Variants in TBC1D9 observed in about 807,000 individuals in gnomAD.
The protein encoded by TBC1D9 is TBC1 domain family member 9A.
Under a neutral mutation model 132.0 loss-of-function variants are expected in TBC1D9, and 63 were observed. That is an observed-to-expected ratio of 0.48 (90% confidence interval 0.39 to 0.59). The LOEUF is 0.59. Ranked by LOEUF, TBC1D9 falls within the 20% of genes least tolerant of loss-of-function variation. The pLI, the probability that TBC1D9 is intolerant of heterozygous loss-of-function variation, is 0.00. For missense variants in TBC1D9, 1,261 were observed against 1,592.7 expected, an observed-to-expected ratio of 0.79 and a Z score of 3.54; for synonymous variants, 610 against 609.9, an observed-to-expected ratio of 1.00 and a Z score of 0.00.
At chr4:140,733,148 AAG>A (rs1470931990) in intron 1 of TBC1D9, among the ~76,000 whole-genome samples, 5 of 152,208 alleles carry the variant, frequency 3.3e-5, no homozygotes, top group African/African-American at 9.6e-5. Flanking sequence ...ACAAAAAATA[AAG>A]AGAACTACAT....
At chr4:140,632,731 T>A (rs1736817960) in intron 16 of TBC1D9, among the ~76,000 whole-genome samples, 1 of 152,096 alleles carries the variant, frequency 6.6e-6, no homozygotes, top group South Asian at 2.1e-4. Flanking sequence ...GCCTCTTGAG[T>A]ACGTGGAATC....
chr4:140,708,539 C>G (rs957217756), intron 1 of TBC1D9, among the ~76,000 whole-genome samples: 2 of 152,302 alleles, frequency 1.3e-5, no homozygotes, highest in South Asian at 4.1e-4. Context: ...GTGCCCAACA[C>G]ACAGACTGGT....
At chr4:140,710,563 A>G (rs148225125) in intron 1 of TBC1D9, among the ~76,000 whole-genome samples, 497 of 152,302 alleles carry the variant, frequency 3.3e-3, no homozygotes, top group African/African-American at 0.011. Context: ...TCTGAAGAGC[A>G]TTTTATCTGT....
intron 1 of TBC1D9, among the ~76,000 whole-genome samples, chr4:140,732,305 A>G (rs537490010): frequency 6.6e-6 from 1 of 152,330 alleles, no homozygotes; most frequent in South Asian, 2.1e-4. Context: ...CTCCATGGAC[A>G]GTTGCTTGTC....
intron 6 of TBC1D9, among the ~76,000 whole-genome samples, chr4:140,672,843 T>C (rs1333973088): frequency 2.0e-5 from 3 of 152,084 alleles, no homozygotes; most frequent in Non-Finnish European, 4.4e-5. Flanking sequence ...GTGTTTAATA[T>C]GAAACACTGG....
rs746832637 is a variant in TBC1D9 at position 140,657,670 on chromosome 4, A to G, written c.2064T>C (p.Phe688=). Residue 688 remains phenylalanine (F), a synonymous_variant, in exon 12 of 21, where the codon TTT becomes TTC. Coordinates refer to ENST00000442267, the MANE Select transcript of TBC1D9 (RefSeq NM_015130.3). ...AGTCAACAACCACAACTGCACTCTC[A>G]AAAGGCATCACACTGAGAAATAGTG... The part of the protein sequence containing the change: ...FLTLFLSVMP[F]ESAVVVVDCF... 5 of 1,613,650 alleles carry G rather than the reference A, an allele frequency of 3.1e-6. No individual in the cohort carries two copies. Among genetic ancestry groups the G allele is most frequent in the Non-Finnish European group, 4.2e-6 (5 of 1,179,666 alleles).
At chr4:140,653,709 T>C (rs1737221589) in intron 13 of TBC1D9, among the ~76,000 whole-genome samples, 1 of 152,178 alleles carries the variant, frequency 6.6e-6, no homozygotes, top group Non-Finnish European at 1.5e-5. Flanking sequence ...ACTGGAAACA[T>C]AAGCAGAGTA....
chr4:140,622,855 C>T lies in TBC1D9; in HGVS notation c.3141G>A (p.Gln1047=), dbSNP rs1207710412. The change falls in exon 21 of 21, where the codon CAG becomes CAA. Residue 1047 remains glutamine (Q), a synonymous_variant. Coordinates refer to ENST00000442267, the MANE Select transcript of TBC1D9 (RefSeq NM_015130.3). The part of the protein sequence containing the change: ...YNMFSEDPNE[Q]ELYHATAAVT... ...CTGCTGCCGTGGCGTGGTACAGCTC[C>T]TGCTCATTGGGGTCTTCGCTGAACA... is the stretch of plus-strand genomic sequence containing the variant. The T allele has an allele frequency of 6.3e-7, 1 of 1,592,034 alleles. No homozygotes were observed. The highest frequency in any genetic ancestry group is 2.3e-5 in the East Asian group (1 of 44,228).
chr4:140,632,302 T>C lies in TBC1D9; in HGVS notation c.2746+1646A>G, dbSNP rs545310578. Among the ~76,000 whole-genome samples, 4 of 151,830 alleles carry C rather than the reference T, an allele frequency of 2.6e-5. No individual in the cohort carries two copies. In the East Asian group the frequency reaches 5.8e-4, roughly 22 times the overall value. On this transcript the variant is annotated intron_variant, in intron 16 of 20. Coordinates refer to ENST00000442267, the MANE Select transcript of TBC1D9 (RefSeq NM_015130.3). ...ATATCTCTTTTGATGGATACCTATA[T>C]GACAAGCAGTAATTACCCTGGAAGT...
intron 9 of TBC1D9, among the ~76,000 whole-genome samples, chr4:140,665,875 G>C (rs1307842582): frequency 6.6e-6 from 1 of 151,862 alleles, no homozygotes; most frequent in Non-Finnish European, 1.5e-5. Context: ...GTAGAGATGG[G>C]GTCTCACTAT....
At chr4:140,747,902 C>A (rs151192267) in intron 1 of TBC1D9, among the ~76,000 whole-genome samples, 1 of 152,234 alleles carries the variant, frequency 6.6e-6, no homozygotes, top group East Asian at 1.9e-4. Flanking sequence ...TATATCAGTA[C>A]CAAAAATTAG....
chr4:140,684,574 T>A (rs1371936521), intron 3 of TBC1D9, among the ~76,000 whole-genome samples: 1 of 152,000 alleles, frequency 6.6e-6, no homozygotes, highest in Non-Finnish European at 1.5e-5. Flanking sequence ...ACATAATTGG[T>A]CTTTGTTTGT....
At chr4:140,718,279 G>A (rs1044264634) in intron 1 of TBC1D9, among the ~76,000 whole-genome samples, 1 of 141,142 alleles carries the variant, frequency 7.1e-6, no homozygotes, top group African/African-American at 2.7e-5. Context: ...ATTCAGCTAT[G>A]CACATTGGGA....
intron 13 of TBC1D9, chr4:140,642,589 G>A: frequency 1.1e-6 from 1 of 917,492 alleles, no homozygotes; most frequent in Non-Finnish European, 1.7e-6. Flanking sequence ...CCTGGTCGCT[G>A]TCCATCTTCT....
chr4:140,678,032 A>G (rs1356934372), intron 5 of TBC1D9, among the ~76,000 whole-genome samples: 1 of 151,916 alleles, frequency 6.6e-6, no homozygotes, highest in African/African-American at 2.4e-5. Context: ...AAAAAAAGCA[A>G]TCCTCCCCTC....
intron 1 of TBC1D9, among the ~76,000 whole-genome samples, chr4:140,713,247 T>C (rs1343666334): frequency 6.6e-6 from 1 of 151,864 alleles, no homozygotes; most frequent in Non-Finnish European, 1.5e-5. Flanking sequence ...TTCCACTGAG[T>C]ATTCATTAAA....
At chr4:140,751,793 T>C (rs967812148) in intron 1 of TBC1D9, among the ~76,000 whole-genome samples, 3 of 152,096 alleles carry the variant, frequency 2.0e-5, no homozygotes, top group African/African-American at 7.2e-5. Flanking sequence ...AACAATCATA[T>C]CTCAAAATAT....
At chr4:140,637,062 G>A (rs1448057334) in intron 15 of TBC1D9, among the ~76,000 whole-genome samples, 2 of 152,184 alleles carry the variant, frequency 1.3e-5, no homozygotes, top group African/African-American at 4.8e-5. Context: ...AGGTTAAGAT[G>A]TGGTTTCAGC....
At chr4:140,645,658 T>C (rs1377930225) in intron 13 of TBC1D9, among the ~76,000 whole-genome samples, 1 of 152,236 alleles carries the variant, frequency 6.6e-6, no homozygotes, top group Non-Finnish European at 1.5e-5. Context: ...TCATCCTCTC[T>C]TGGGATAAAA....
Sources: allele counts gnomAD v4.1 joint callset (sites outside exome capture counted in the v4.1 genomes callset), GRCh38; gene constraint gnomAD v4.1.1; transcripts MANE v1.5; gene names NCBI Gene and HGNC (gene_info 2026-07-23, HGNC 2026-07-21).